The following LGI2 variants were observed in gnomAD, a reference collection of about 807,000 sequenced individuals.
LGI2 encodes leucine-rich repeat LGI family member 2.
A neutral mutation model predicts 52.0 loss-of-function variants in LGI2; 30 were observed. That is an observed-to-expected ratio of 0.58 (90% CI 0.43 to 0.78). LGI2 has a LOEUF of 0.78. LGI2 is among the 30% of genes least tolerant of loss of function. LGI2 has a pLI of 0.00. For synonymous variants in LGI2, 270 were observed against 271.8 expected (o/e 0.99, Z 0.06); for missense variants, 573 against 692.5 (o/e 0.83, Z 1.94).
chr4:25,024,688 C>A, intron 4 of LGI2, 132 bp downstream of exon 4: 1 of 590,826 alleles, frequency 1.7e-6, no homozygotes, highest in Non-Finnish European at 3.0e-6. Flanking sequence ...TGACTGACAA[C>A]ATAGAAACCT....
intron 1 of LGI2, 64 bp from the exon 2 acceptor site, chr4:25,028,642 G>A: frequency 2.2e-6 from 3 of 1,391,252 alleles, no homozygotes; most frequent in South Asian, 1.2e-5. Context: ...TGCAGGGTGG[G>A]TAATCAAACT....
At chr4:25,030,364 C>G in intron 1 of LGI2, 133 bp downstream of exon 1, 1 of 951,262 alleles carries the variant, frequency 1.1e-6, no homozygotes, top group South Asian at 1.6e-5. Flanking sequence ...ACCCACGTCC[C>G]CCACACAAAG....
At chr4:24,997,073 T>C (rs950085257), downstream of LGI2, among the ~76,000 whole-genome samples, 21 of 152,032 alleles carry the variant, frequency 1.4e-4, no homozygotes, top group Admixed American at 9.8e-4. Context: ...GCCAAGAGGG[T>C]AAGGTTTGTC....
Position 25,003,707 on chromosome 4 carries a change from G to A in LGI2, c.1382C>T (p.Ser461Phe). 1.2e-6 allele frequency: 2 copies of A among 1,614,218 alleles called. No homozygotes were observed. Among genetic ancestry groups the A allele is most frequent in the Non-Finnish European group, 1.7e-6 (2 of 1,180,048 alleles). Residue 461 changes from serine to phenylalanine, a missense_variant, in exon 8 of 8, where the codon TCC (serine) becomes TTC (phenylalanine). Coordinates refer to ENST00000382114, the MANE Select transcript of LGI2 (RefSeq NM_018176.4). ...GGGCTGCAGGGTCATGGCCCCCCGG[G>A]ATGGAAGAGCTTGGATCTCCACAAA... ...KQFVEIQALPSRGAMTLQPFS... is the reference protein window; with the variant it reads ...KQFVEIQALPFRGAMTLQPFS...
chr4:25,007,208 C>G (rs1358751201), intron 7 of LGI2, among the ~76,000 whole-genome samples: 1 of 152,022 alleles, frequency 6.6e-6, no homozygotes, highest in African/African-American at 2.4e-5. Context: ...TTATTTCTAG[C>G]TTTTCCTTAT....
At chr4:25,012,277 G>A (rs931081928) in intron 7 of LGI2, 58 bp downstream of exon 7, 6 of 1,589,906 alleles carry the variant, frequency 3.8e-6, no homozygotes, top group Non-Finnish European at 5.2e-6. Context: ...TCCTCCTCCC[G>A]CGGGCTTGCC....
Position 24,999,734 on chromosome 4 carries a change from C to T in LGI2, c.*3717G>A, listed in dbSNP as rs768523530. On this transcript the variant is annotated 3_prime_UTR_variant, in exon 8 of 8. Transcript: ENST00000382114. ...TCCTGACCGCCAAACCTCTGGCATCCCATGCTGATTTCTTTCCTAAAAATA... is the reference window on the plus strand; with the variant it reads ...TCCTGACCGCCAAACCTCTGGCATCTCATGCTGATTTCTTTCCTAAAAATA... The T allele has an allele frequency of 8.7e-5, 39 of 446,568 alleles. No homozygotes were observed. Among genetic ancestry groups the T allele is most frequent in the Non-Finnish European group, 1.7e-4 (37 of 221,528 alleles). 27.7% of individuals were successfully genotyped at this position (446,568 alleles called of 1,614,324 possible). A position where few individuals can be genotyped will look rare whatever the true frequency, so the allele number is the denominator to read the frequency against.
chr4:25,008,305 C>A (rs1276562082), intron 7 of LGI2, among the ~76,000 whole-genome samples: 1 of 152,148 alleles, frequency 6.6e-6, no homozygotes, highest in African/African-American at 2.4e-5. Context: ...GTAATCCTAA[C>A]ACTTTGGGAG....
the LGI2 span, among the ~76,000 whole-genome samples, chr4:24,993,281 C>T: frequency 2.6e-5 from 4 of 152,168 alleles, no homozygotes; most frequent in Admixed American, 2.6e-4. Flanking sequence ...GTTTTCCTGG[C>T]TTTGCCACTC....
chr4:25,028,058 G>T (rs1203062241), intron 2 of LGI2, among the ~76,000 whole-genome samples: 1 of 152,224 alleles, frequency 6.6e-6, no homozygotes, highest in East Asian at 1.9e-4. Flanking sequence ...ATGAAGTGAT[G>T]ATGAAATAAA....
rs1725240312 is a variant in LGI2, at chr4:25,001,577, GA to G, written c.*1873del. The G allele has an allele frequency of 6.6e-6, 1 of 152,148 alleles. No homozygotes were observed. Among genetic ancestry groups the G allele is most frequent in the South Asian group, 2.1e-4 (1 of 4,830 alleles). 9.4% of individuals were successfully genotyped at this position (152,148 alleles called of 1,614,324 possible). On this transcript the variant is annotated 3_prime_UTR_variant, in exon 8 of 8. Coordinates refer to ENST00000382114, the MANE Select transcript of LGI2 (RefSeq NM_018176.4). The stretch of plus-strand genomic sequence containing the variant: ...CCAAGAGGGAAAAAAAAGTGCAGAA[GA>G]AAAGTAATTTGCACTTAAAAATGAA...
intron 6 of LGI2, 127 bp downstream of exon 6, chr4:25,017,862 A>C (rs1166112472): frequency 7.5e-5 from 65 of 871,716 alleles, no homozygotes; most frequent in Non-Finnish European, 1.0e-4. Flanking sequence ...GAATGTTTAA[A>C]ATTTCTCTAA....
At chr4:24,993,835 C>T in the LGI2 span, among the ~76,000 whole-genome samples, 1 of 152,252 alleles carries the variant, frequency 6.6e-6, no homozygotes, top group South Asian at 2.1e-4. Context: ...AATGCAAATG[C>T]ATTGGCAGTA....
chr4:24,995,779 G>T (rs945055899), downstream of LGI2, among the ~76,000 whole-genome samples: 4 of 152,200 alleles, frequency 2.6e-5, no homozygotes, highest in African/African-American at 9.7e-5. Flanking sequence ...CAAAACCACT[G>T]CAGGTCACAT....
At chr4:25,028,473 C>T (rs1395229944) in intron 2 of LGI2, 34 bp downstream of exon 2, 5 of 1,597,372 alleles carry the variant, frequency 3.1e-6, no homozygotes, top group Non-Finnish European at 4.3e-6. Context: ...ACCTCAGGGC[C>T]CCCCATTGTG....
At chr4:25,010,482 G>T (rs1256202743) in intron 7 of LGI2, among the ~76,000 whole-genome samples, 1 of 152,136 alleles carries the variant, frequency 6.6e-6, no homozygotes, top group Admixed American at 6.5e-5. Flanking sequence ...CCCGCTCTGT[G>T]CACTCAATCC....
chr4:25,024,831 G>A lies in LGI2; in HGVS notation c.402C>T (p.Asp134=), dbSNP rs746557744. 2.5e-5 allele frequency: 40 copies of A among 1,607,666 alleles called. No homozygotes were observed. The Admixed American group carries it at 6.1e-4, about 25-fold the overall frequency. Reference sequence around the variant, plus strand: ...TTCATAGGACTTACAGGTGAGTCAGGTCACGGAGGCCACGAAAGGCATTTC... The same window carrying A: ...TTCATAGGACTTACAGGTGAGTCAGATCACGGAGGCCACGAAAGGCATTTC... ...ISRNAFRGLR[D]LTHLSLANNH... The change falls in exon 4 of 8, where the codon GAC becomes GAT. Residue 134 remains aspartate (D), a synonymous_variant. Transcript: ENST00000382114.
rs985336795 is a variant in LGI2 at position 25,002,747 on chromosome 4, G to A, written c.*704C>T. On this transcript the variant is annotated 3_prime_UTR_variant, in exon 8 of 8. Coordinates refer to ENST00000382114, the MANE Select transcript of LGI2 (RefSeq NM_018176.4). The stretch of plus-strand genomic sequence containing the variant: ...GTCACCTTTGAACCGTAAGAAAGAG[G>A]GAAAAACTCCTTTGAGTCACTCCTG... 1 of 152,686 alleles carries A rather than the reference G, an allele frequency of 6.5e-6. No homozygotes were observed. The allele number at this position is 152,686 out of a possible 1,614,324, so 9.5% of individuals were successfully genotyped here. A position where few individuals can be genotyped will look rare whatever the true frequency, so the allele number is the denominator to read the frequency against.
chr4:25,027,444 C>T (rs1157884686), intron 2 of LGI2, among the ~76,000 whole-genome samples: 1 of 150,202 alleles, frequency 6.7e-6, no homozygotes, highest in Non-Finnish European at 1.5e-5. Flanking sequence ...GAGACTGTTA[C>T]TACGTAGTTT....
Sources: allele counts gnomAD v4.1 joint callset (sites outside exome capture counted in the v4.1 genomes callset), GRCh38; gene constraint gnomAD v4.1.1; transcripts MANE v1.5; gene names NCBI Gene and HGNC (gene_info 2026-07-23, HGNC 2026-07-21).